The following HS3ST3A1 variants were observed in gnomAD, a reference collection of about 807,000 sequenced individuals.
HS3ST3A1 encodes heparan sulfate glucosamine 3-O-sulfotransferase 3A1.
A neutral mutation model predicts 25.7 loss-of-function variants in HS3ST3A1; 19 were observed. The ratio of observed to expected loss-of-function variants is 0.74; its 90% confidence interval spans 0.52 to 1.08. The LOEUF (loss-of-function observed/expected upper bound fraction) is 1.08. HS3ST3A1 is among the 50% of genes least tolerant of loss of function. The probability of loss-of-function intolerance (pLI) is 0.00; values close to 1 mark genes in which losing one functional copy is unlikely to be tolerated. For missense variants in HS3ST3A1, 459 were observed against 594.3 expected (o/e 0.77, Z 2.37); for synonymous variants, 226 against 278.6 (o/e 0.81, Z 1.88).
chr17:13,555,773 T>C (rs1345641307), intron 1 of HS3ST3A1, among the ~76,000 whole-genome samples: 1 of 152,128 alleles, frequency 6.6e-6, no homozygotes, highest in Non-Finnish European at 1.5e-5. Context: ...GAAATGAAGC[T>C]CCAGCAGCAC....
At chr17:13,544,774 GA>G (rs11459574) in intron 1 of HS3ST3A1, among the ~76,000 whole-genome samples, 4 of 147,760 alleles carry the variant, frequency 2.7e-5, no homozygotes, top group Non-Finnish European at 4.5e-5. Context: ...AACCCTCCAG[GA>G]AAAAAAAAAA....
At chr17:13,547,956 A>AC (rs1567620548) in intron 1 of HS3ST3A1, among the ~76,000 whole-genome samples, 1 of 151,902 alleles carries the variant, frequency 6.6e-6, no homozygotes, top group Non-Finnish European at 1.5e-5. Context: ...AAAAAAAAAA[A>AC]AAAAAAACCA....
At chr17:13,528,200 A>C (rs1228505122) in intron 1 of HS3ST3A1, among the ~76,000 whole-genome samples, 1 of 152,200 alleles carries the variant, frequency 6.6e-6, no homozygotes, top group African/African-American at 2.4e-5. Context: ...CATGGGCTCC[A>C]AAGTCCCATC....
intron 1 of HS3ST3A1, among the ~76,000 whole-genome samples, chr17:13,525,505 T>C (rs1205935156): frequency 6.6e-6 from 1 of 152,196 alleles, no homozygotes; most frequent in Admixed American, 6.5e-5. Flanking sequence ...CTCCTTGGAA[T>C]CAGGATACAT....
chr17:13,514,710 C>T (rs987821458), intron 1 of HS3ST3A1, among the ~76,000 whole-genome samples: 3 of 152,104 alleles, frequency 2.0e-5, no homozygotes, highest in Non-Finnish European at 4.4e-5. Context: ...TTTGAGGAAA[C>T]GTTGCCAGAG....
At chr17:13,525,135 A>C (rs1370457230) in intron 1 of HS3ST3A1, among the ~76,000 whole-genome samples, 1 of 152,054 alleles carries the variant, frequency 6.6e-6, no homozygotes, top group Non-Finnish European at 1.5e-5. Flanking sequence ...ACCATCCTAC[A>C]TTTTTAAACT....
intron 1 of HS3ST3A1, among the ~76,000 whole-genome samples, chr17:13,523,027 T>G (rs775994885): frequency 8.0e-5 from 12 of 150,912 alleles, no homozygotes; most frequent in Non-Finnish European, 1.3e-4. Flanking sequence ...AGAAAAAAAA[T>G]AGAAAAGGGT....
chr17:13,496,970 C>A (rs1905305255), intron 1 of HS3ST3A1, 152 bp from the exon 2 acceptor site: 3 of 1,004,838 alleles, frequency 3.0e-6, no homozygotes, highest in East Asian at 5.2e-5. Flanking sequence ...CAACGAGCCC[C>A]GCACCTCAGA....
intron 1 of HS3ST3A1, among the ~76,000 whole-genome samples, chr17:13,552,769 G>A (rs1020353772): frequency 6.6e-6 from 1 of 152,164 alleles, no homozygotes; most frequent in Admixed American, 6.5e-5. Context: ...TCCCAATTCA[G>A]CATGATCAGC....
chr17:13,522,059 G>A (rs1401671963), intron 1 of HS3ST3A1, among the ~76,000 whole-genome samples: 1 of 152,104 alleles, frequency 6.6e-6, no homozygotes, highest in East Asian at 1.9e-4. Flanking sequence ...GAAAACCACT[G>A]CTTTAGAAAA....
rs563525934 is a variant in HS3ST3A1 at position 13,585,894 on chromosome 17, G to T, written c.599+14637C>A. On this transcript the variant is annotated intron_variant, in intron 1 of 1. Transcript: ENST00000284110. Reference sequence around the variant, plus strand: ...TGACAGAGTCTCGCTCTGTCGCCCAGGCTGGAGTACAGTGGCGCAATCTCG... The same window carrying T: ...TGACAGAGTCTCGCTCTGTCGCCCATGCTGGAGTACAGTGGCGCAATCTCG... Among the ~76,000 whole-genome samples the T allele has an allele frequency of 2.5e-3, 340 of 136,228 alleles. 3 individuals are homozygous for T. Among genetic ancestry groups the T allele is most frequent in the Admixed American group, 0.015 (191 of 12,596 alleles). The allele number at this position is 136,228 out of a possible 152,430, so 89.4% of individuals were successfully genotyped here.
intron 1 of HS3ST3A1, among the ~76,000 whole-genome samples, chr17:13,555,005 C>T (rs1376624818): frequency 1.3e-5 from 2 of 152,228 alleles, no homozygotes; most frequent in East Asian, 3.9e-4. Flanking sequence ...GCAGCACGTG[C>T]CTGATTTGCA....
chr17:13,520,629 T>G (rs149812341), intron 1 of HS3ST3A1, among the ~76,000 whole-genome samples: 2,022 of 148,554 alleles, frequency 0.014, 98 homozygotes, highest in Admixed American at 0.096. Flanking sequence ...TTTTTTTTTT[T>G]GGGGAAATAG....
intron 1 of HS3ST3A1, among the ~76,000 whole-genome samples, chr17:13,510,353 A>G (rs896813926): frequency 6.6e-6 from 1 of 152,138 alleles, no homozygotes; most frequent in Non-Finnish European, 1.5e-5. Flanking sequence ...ATAAGGGGGG[A>G]AAACGTGTTT....
intron 1 of HS3ST3A1, among the ~76,000 whole-genome samples, chr17:13,584,915 T>G (rs1232185055): frequency 6.6e-6 from 1 of 152,184 alleles, no homozygotes; most frequent in Non-Finnish European, 1.5e-5. Context: ...CATTTCCATT[T>G]ACTCATCACC....
chr17:13,526,344 T>C (rs1187870054), intron 1 of HS3ST3A1, among the ~76,000 whole-genome samples: 1 of 151,668 alleles, frequency 6.6e-6, no homozygotes, highest in Non-Finnish European at 1.5e-5. Context: ...ATTGTTCTTT[T>C]TCCGTTACTG....
intron 1 of HS3ST3A1, among the ~76,000 whole-genome samples, chr17:13,518,177 A>G (rs1477576160): frequency 1.3e-5 from 2 of 152,140 alleles, no homozygotes; most frequent in African/African-American, 4.8e-5. Flanking sequence ...GTGGAAATAC[A>G]CAAATATTTA....
At chr17:13,577,257 A>G (rs1567628046) in intron 1 of HS3ST3A1, among the ~76,000 whole-genome samples, 2 of 152,162 alleles carry the variant, frequency 1.3e-5, no homozygotes, top group African/African-American at 2.4e-5. Flanking sequence ...CCAAATGATA[A>G]CACCTACTCA....
At chr17:13,542,334 A>C (rs1906960110) in intron 1 of HS3ST3A1, among the ~76,000 whole-genome samples, 1 of 151,732 alleles carries the variant, frequency 6.6e-6, no homozygotes, top group Non-Finnish European at 1.5e-5. Flanking sequence ...GTTTCCAAAA[A>C]AAAAAAAAAA....
Sources: allele counts gnomAD v4.1 joint callset (sites outside exome capture counted in the v4.1 genomes callset), GRCh38; gene constraint gnomAD v4.1.1; transcripts MANE v1.5; gene names NCBI Gene and HGNC (gene_info 2026-07-23, HGNC 2026-07-21).